ANKS1B: variants seen among roughly 807,000 people sequenced by gnomAD.
ANKS1B encodes ankyrin repeat and sterile alpha motif domain-containing protein 1B.
In ANKS1B, 36 loss-of-function variants were observed where a neutral mutation model predicts 148.3. The observed-to-expected ratio is 0.24, with a 90% confidence interval of 0.19 to 0.32. The LOEUF is 0.32. Among genes scored for constraint, ANKS1B ranks in the 10% least tolerant of loss-of-function variants. The pLI, the probability that ANKS1B is intolerant of heterozygous loss-of-function variation, is 1.00. For missense variants in ANKS1B, 1,157 were observed against 1,542.6 expected, an observed-to-expected ratio of 0.75 and a Z score of 4.19; for synonymous variants, 542 against 560.8, an observed-to-expected ratio of 0.97 and a Z score of 0.47.
At chr12:98,828,388 G>A (rs2099267798) in intron 19 of ANKS1B, among the ~76,000 whole-genome samples, 1 of 152,226 alleles carries the variant, frequency 6.6e-6, no homozygotes, top group Admixed American at 6.5e-5. Context: ...TCCCATCTTA[G>A]GTGTGGGAGG....
intron 1 of ANKS1B, among the ~76,000 whole-genome samples, chr12:99,953,535 T>C (rs1005119079): frequency 1.3e-5 from 2 of 151,836 alleles, no homozygotes; most frequent in Non-Finnish European, 2.9e-5. Context: ...GAGAGGAGAA[T>C]TTGAACATAC....
At chr12:99,283,578 T>A (rs1327708838) in intron 12 of ANKS1B, among the ~76,000 whole-genome samples, 1 of 152,192 alleles carries the variant, frequency 6.6e-6, no homozygotes, top group Non-Finnish European at 1.5e-5. Context: ...ATTTAACTGC[T>A]CACCAAATAA....
At chr12:99,913,395 C>T (rs2094067522) in intron 1 of ANKS1B, among the ~76,000 whole-genome samples, 1 of 152,246 alleles carries the variant, frequency 6.6e-6, no homozygotes, top group South Asian at 2.1e-4. Context: ...AGTGAACAGA[C>T]ATTTCCTCTG....
chr12:98,761,712 T>C (rs2098409372), intron 25 of ANKS1B, among the ~76,000 whole-genome samples: 1 of 152,230 alleles, frequency 6.6e-6, no homozygotes. Flanking sequence ...CACTTAGATA[T>C]TTATTCCAGG....
At chr12:99,817,729 G>A (rs1466606733) in intron 2 of ANKS1B, among the ~76,000 whole-genome samples, 1 of 151,728 alleles carries the variant, frequency 6.6e-6, no homozygotes, top group South Asian at 2.1e-4. Flanking sequence ...AGATGATACT[G>A]TGATTTTGAT....
intron 1 of ANKS1B, among the ~76,000 whole-genome samples, chr12:99,865,529 C>G (rs2090619406): frequency 6.6e-6 from 1 of 152,130 alleles, no homozygotes; most frequent in Non-Finnish European, 1.5e-5. Flanking sequence ...GTCAAGAAAT[C>G]CTGGCAGTTA....
chr12:99,610,213 T>C (rs898708001), intron 9 of ANKS1B, among the ~76,000 whole-genome samples: 8 of 152,120 alleles, frequency 5.3e-5, no homozygotes, highest in Admixed American at 2.0e-4. Context: ...TCCATTTTTA[T>C]GCTTAGATTT....
At chr12:99,390,295 A>G (rs1241018073) in intron 12 of ANKS1B, among the ~76,000 whole-genome samples, 1 of 152,216 alleles carries the variant, frequency 6.6e-6, no homozygotes, top group Non-Finnish European at 1.5e-5. Flanking sequence ...TTCACTGGAA[A>G]CTGCTCCTCT....
chr12:99,051,141 A>G (rs2099965788), intron 17 of ANKS1B, among the ~76,000 whole-genome samples: 1 of 152,180 alleles, frequency 6.6e-6, no homozygotes, highest in Admixed American at 6.5e-5. Context: ...TGCAGTCACT[A>G]AACAAGGATC....
At chr12:98,762,393 C>T (rs1052247087) in intron 25 of ANKS1B, among the ~76,000 whole-genome samples, 1 of 152,158 alleles carries the variant, frequency 6.6e-6, no homozygotes, top group Admixed American at 6.5e-5. Context: ...TGATGCTGTG[C>T]TAAACAGTGG....
At chr12:99,375,675 T>C (rs974118266) in intron 12 of ANKS1B, among the ~76,000 whole-genome samples, 3 of 148,428 alleles carry the variant, frequency 2.0e-5, no homozygotes, top group African/African-American at 7.6e-5. Context: ...CTAAGACATG[T>C]TAAAAAAAAA....
At chr12:99,777,503 T>G (rs1422514933) in intron 6 of ANKS1B, among the ~76,000 whole-genome samples, 1 of 152,240 alleles carries the variant, frequency 6.6e-6, no homozygotes, top group Non-Finnish European at 1.5e-5. Context: ...CACCCCATTT[T>G]CTAGTGGGTG....
intron 9 of ANKS1B, among the ~76,000 whole-genome samples, chr12:99,620,496 C>CA (rs1353359746): frequency 2.6e-5 from 4 of 151,810 alleles, no homozygotes; most frequent in African/African-American, 7.2e-5. Context: ...TAAAGCAATC[C>CA]AAAAAATGGA....
At chr12:99,475,310 A>G (rs2096301459) in intron 10 of ANKS1B, among the ~76,000 whole-genome samples, 1 of 151,668 alleles carries the variant, frequency 6.6e-6, no homozygotes, top group Non-Finnish European at 1.5e-5. Context: ...TTAAAATTAA[A>G]ATAATTTTGT....
rs555779328 is a variant in ANKS1B, at chr12:99,943,968, G to A, written c.134+40136C>T. ...ATCCCTCCCCTAGCCCCCACCCCGC[G>A]ACAGGCCCCAGTGTGTGATGTTCCC... On this transcript the variant is annotated intron_variant, in intron 1 of 26. Coordinates refer to ENST00000683438, the MANE Select transcript of ANKS1B (RefSeq NM_001352186.2). Among the ~76,000 whole-genome samples, 2 of 151,420 alleles carry A rather than the reference G, an allele frequency of 1.3e-5. 1 individual carries two copies. The highest frequency in any genetic ancestry group is 4.2e-4 in the South Asian group (2 of 4,756).
At chr12:99,495,390 T>C (rs995070486) in intron 10 of ANKS1B, among the ~76,000 whole-genome samples, 3 of 150,642 alleles carry the variant, frequency 2.0e-5, no homozygotes, top group Non-Finnish European at 4.4e-5. Context: ...TAGTTTATAA[T>C]ATTGTTTTCC....
intron 12 of ANKS1B, among the ~76,000 whole-genome samples, chr12:99,273,195 G>T (rs1302197383): frequency 4.6e-5 from 7 of 152,092 alleles, no homozygotes; most frequent in Non-Finnish European, 8.8e-5. Flanking sequence ...CCCTCTGAAT[G>T]ATCCTACTTT....
intron 9 of ANKS1B, among the ~76,000 whole-genome samples, chr12:99,623,482 G>A (rs1436626701): frequency 6.6e-6 from 1 of 151,906 alleles, no homozygotes; most frequent in Non-Finnish European, 1.5e-5. Flanking sequence ...CTGACGATAT[G>A]ATCCTATACC....
At chr12:99,947,214 C>A (rs565386241) in intron 1 of ANKS1B, among the ~76,000 whole-genome samples, 279 of 118,824 alleles carry the variant, frequency 2.3e-3, no homozygotes, top group African/African-American at 8.7e-3. Flanking sequence ...GTGAAGAAGA[C>A]AAAAGCACTG....
Sources: allele counts gnomAD v4.1 joint callset (sites outside exome capture counted in the v4.1 genomes callset), GRCh38; gene constraint gnomAD v4.1.1; transcripts MANE v1.5; gene names NCBI Gene and HGNC (gene_info 2026-07-23, HGNC 2026-07-21).